The following ARHGAP21 variants were observed in gnomAD, a reference collection of about 807,000 sequenced individuals.
The protein encoded by ARHGAP21 is rho GTPase-activating protein 21.
In ARHGAP21, 38 loss-of-function variants were observed where a neutral mutation model predicts 164.6. That is an observed-to-expected ratio of 0.23 (90% CI 0.18 to 0.30). The LOEUF (loss-of-function observed/expected upper bound fraction) is 0.30, where lower values mean the gene tolerates loss of function less well. ARHGAP21 is among the 10% of genes least tolerant of loss of function. The pLI is 1.00. For synonymous variants in ARHGAP21, 766 were observed against 857.9 expected, an observed-to-expected ratio of 0.89 and a Z score of 1.87; for missense variants, 1,822 against 2,370.7, an observed-to-expected ratio of 0.77 and a Z score of 4.81.
chr10:24,627,609 G>A (rs1486190199), intron 7 of ARHGAP21, among the ~76,000 whole-genome samples: 1 of 152,122 alleles, frequency 6.6e-6, no homozygotes, highest in Non-Finnish European at 1.5e-5. Context: ...TTGAAGATCT[G>A]CATGCTCATG....
In ARHGAP21 at chr10:24,597,430, A is replaced by G; in HGVS notation, c.3334+17T>C. The G allele has an allele frequency of 6.2e-7, 1 of 1,601,232 alleles. No individual in the cohort carries two copies. Among genetic ancestry groups the G allele is most frequent in the African/African-American group, 1.3e-5 (1 of 74,100 alleles). On this transcript the variant is annotated intron_variant, in intron 16 of 25. Transcript: ENST00000396432. Reference sequence around the variant, plus strand: ...TTAAATCATTATATTTATTTGTTAGAAAGCTAACATCAATACCTTTACTGA... The same window carrying G: ...TTAAATCATTATATTTATTTGTTAGGAAGCTAACATCAATACCTTTACTGA...
intron 12 of ARHGAP21, 103 bp from the exon 13 acceptor site, chr10:24,602,206 G>A: frequency 7.5e-7 from 1 of 1,333,420 alleles, no homozygotes; most frequent in Non-Finnish European, 1.0e-6. Flanking sequence ...TGTTTCAAGT[G>A]AAGGGCTATT....
chr10:24,596,934 C>CT, intron 16 of ARHGAP21, 52 bp from the exon 17 acceptor site: 1 of 1,552,320 alleles, frequency 6.4e-7, no homozygotes, highest in Non-Finnish European at 8.7e-7. Context: ...AAATGAGTGT[C>CT]TAAATCATGA....
In ARHGAP21 at chr10:24,620,908, T is replaced by C. The variant is rs1369652238; in HGVS notation, c.987A>G (p.Leu329=). ...SPPLSIPTTH[L]IHQPAGSRSL... Reference sequence around the variant, plus strand: ...ATCTGGAGCCTGCAGGCTGATGAATTAGATGAGTGGTGGGAATTGATAATG... The same window carrying C: ...ATCTGGAGCCTGCAGGCTGATGAATCAGATGAGTGGTGGGAATTGATAATG... The change falls in exon 9 of 26, where the codon CTA becomes CTG. Residue 329 remains leucine, a synonymous_variant. Coordinates refer to ENST00000396432, the MANE Select transcript of ARHGAP21 (RefSeq NM_020824.4). 6.2e-7 allele frequency: 1 copy of C among 1,613,790 alleles called. No homozygotes were observed. Among genetic ancestry groups the C allele is most frequent in the Non-Finnish European group, 8.5e-7 (1 of 1,179,874 alleles).
Position 24,656,329 on chromosome 10 carries a change from G to A in ARHGAP21, c.268+10656C>T, listed in dbSNP as rs1330774968. Among the ~76,000 whole-genome samples the A allele has an allele frequency of 1.1e-3, 115 of 103,198 alleles. 4 individuals are homozygous for A. The highest frequency in any genetic ancestry group is 2.2e-3 in the Admixed American group (26 of 11,876). 67.7% of individuals were successfully genotyped at this position (103,198 alleles called of 152,430 possible). A position where few individuals can be genotyped will look rare whatever the true frequency, so the allele number is the denominator to read the frequency against. ...CTCAGCCTGGCCAGCCACCCCGTCCGGGAGGGAGATGGGGGGGTCAGCCCC... is the reference window on the plus strand; with the variant it reads ...CTCAGCCTGGCCAGCCACCCCGTCCAGGAGGGAGATGGGGGGGTCAGCCCC... On this transcript the variant is annotated intron_variant, in intron 4 of 25. Transcript: ENST00000396432.
At position 24,584,964 on chromosome 10, in the gene ARHGAP21, G is replaced by T. The variant is rs758178509; in HGVS notation, c.5325C>A (p.Ala1775=). The T allele has an allele frequency of 2.5e-6, 4 of 1,613,850 alleles. No homozygotes were observed. The highest frequency in any genetic ancestry group is 3.4e-6 in the Non-Finnish European group (4 of 1,179,854). Residue 1775 remains alanine, a synonymous_variant, in exon 26 of 26, where the codon GCC becomes GCA. Transcript: ENST00000396432. ...CTACTCCAAACATGTCATCCGCAGG[G>T]GCTCTGGGTCTCAGTTTTAACCGAT... ...IADRLKLRPR[A]PADDMFGVGN... is the part of the protein sequence containing the mutation.
intron 6 of ARHGAP21, among the ~76,000 whole-genome samples, chr10:24,632,739 C>T (rs532026903): frequency 1.3e-5 from 2 of 152,106 alleles, no homozygotes; most frequent in African/African-American, 4.8e-5. Flanking sequence ...AGTGATGATC[C>T]GACTAGGCTC....
At chr10:24,717,333 CACTT>C (rs374909599) in intron 2 of ARHGAP21, among the ~76,000 whole-genome samples, 2 of 152,286 alleles carry the variant, frequency 1.3e-5, no homozygotes, top group East Asian at 1.9e-4. Flanking sequence ...TATCACCTGA[CACTT>C]ACTATGTGTC....
At chr10:24,638,155 G>A (rs952172113) in intron 4 of ARHGAP21, among the ~76,000 whole-genome samples, 5 of 151,922 alleles carry the variant, frequency 3.3e-5, no homozygotes, top group South Asian at 2.1e-4. Context: ...GTGAGCCACC[G>A]AGCCCGGCCT....
chr10:24,633,152 A>T (rs904181546), intron 6 of ARHGAP21, among the ~76,000 whole-genome samples: 1 of 152,244 alleles, frequency 6.6e-6, no homozygotes, highest in Admixed American at 6.5e-5. Context: ...CAGTAAATCT[A>T]AAGTGTGTGC....
intron 2 of ARHGAP21, among the ~76,000 whole-genome samples, chr10:24,679,339 C>A (rs958670378): frequency 2.0e-5 from 3 of 152,178 alleles, no homozygotes; most frequent in African/African-American, 7.2e-5. Context: ...GGTGGAAGGG[C>A]AAGGTCGTTT....
At chr10:24,666,321 C>T (rs1034915717) in intron 4 of ARHGAP21, among the ~76,000 whole-genome samples, 9 of 152,284 alleles carry the variant, frequency 5.9e-5, no homozygotes, top group African/African-American at 2.2e-4. Flanking sequence ...TGAGCGACTG[C>T]GCCCGCCCCT....
chr10:24,604,373 A>C, intron 11 of ARHGAP21, 25 bp from the exon 12 acceptor site: 4 of 1,538,094 alleles, frequency 2.6e-6, no homozygotes, highest in Non-Finnish European at 3.5e-6. Flanking sequence ...ATATATAAAT[A>C]TTTTCAATTA....
intron 2 of ARHGAP21, among the ~76,000 whole-genome samples, chr10:24,717,877 G>A (rs562883906): frequency 1.7e-4 from 26 of 152,074 alleles, no homozygotes; most frequent in Non-Finnish European, 2.9e-4. Context: ...ACAGGTGTGC[G>A]CCACCACGCC....
At chr10:24,666,901 ATCATC>A (rs1260737861) in intron 4 of ARHGAP21, 79 bp downstream of exon 4, 2 of 989,852 alleles carry the variant, frequency 2.0e-6, no homozygotes, top group African/African-American at 3.4e-5. Context: ...CAAAAATTAT[ATCATC>A]TCATTTAGTA....
At chr10:24,706,725 C>T (rs1238543613) in intron 2 of ARHGAP21, 1 of 152,444 alleles carries the variant, frequency 6.6e-6, no homozygotes, top group Admixed American at 6.5e-5. Flanking sequence ...GTCTAAGCAG[C>T]AATAGCTAAC....
chr10:24,711,691 A>G (rs1031847832), intron 2 of ARHGAP21, among the ~76,000 whole-genome samples: 9 of 152,166 alleles, frequency 5.9e-5, no homozygotes, highest in African/African-American at 2.2e-4. Context: ...ATCCCTAGGA[A>G]CCCCAAAACA....
At chr10:24,590,149 C>T (rs1002983631) in intron 24 of ARHGAP21, 12 of 1,353,144 alleles carry the variant, frequency 8.9e-6, no homozygotes, top group South Asian at 5.7e-5. Flanking sequence ...CCCCATGCCA[C>T]GCCCCTTTTA....
chr10:24,604,572 T>A (rs1186403389), intron 11 of ARHGAP21, among the ~76,000 whole-genome samples: 3 of 152,196 alleles, frequency 2.0e-5, no homozygotes, highest in African/African-American at 7.2e-5. Flanking sequence ...AAATTAAAAT[T>A]GTTTCTGCTT....
Sources: allele counts gnomAD v4.1 joint callset (sites outside exome capture counted in the v4.1 genomes callset), GRCh38; gene constraint gnomAD v4.1.1; transcripts MANE v1.5; gene names NCBI Gene and HGNC (gene_info 2026-07-23, HGNC 2026-07-21).